The following DSTYK variants were observed in gnomAD, a reference collection of about 807,000 sequenced individuals.
DSTYK encodes the protein dual serine/threonine and tyrosine protein kinase, also known as RIP-homologous kinase.
In DSTYK, 34 loss-of-function variants were observed where a neutral mutation model predicts 98.7. The observed-to-expected ratio is 0.34, with a 90% CI of 0.26 to 0.46. The LOEUF (loss-of-function observed/expected upper bound fraction) is 0.46, where lower values mean the gene tolerates loss of function less well. Ranked by LOEUF, DSTYK falls within the 20% of genes least tolerant of loss-of-function variation. DSTYK has a pLI of 1.00. For missense variants in DSTYK, 962 were observed against 1,181.7 expected, an observed-to-expected ratio of 0.81 and a Z score of 2.73; for synonymous variants, 462 against 457.3, an observed-to-expected ratio of 1.01 and a Z score of -0.13.
At chr1:205,176,597 C>CTATTTTATTTAT (rs1658240670) in intron 2 of DSTYK, among the ~76,000 whole-genome samples, 1 of 145,928 alleles carries the variant, frequency 6.9e-6, no homozygotes, top group South Asian at 2.3e-4. Flanking sequence ...TAAAATGACA[C>CTATTTTATTTAT]TATTTTATTT....
At chr1:205,197,217 C>T (rs1658893847) in intron 1 of DSTYK, among the ~76,000 whole-genome samples, 1 of 151,462 alleles carries the variant, frequency 6.6e-6, no homozygotes, top group Admixed American at 6.6e-5. Flanking sequence ...TAGTACTGAA[C>T]CCATGTTAAT....
At chr1:205,203,299 A>AAATAC (rs1659094981) in intron 1 of DSTYK, among the ~76,000 whole-genome samples, 1 of 149,010 alleles carries the variant, frequency 6.7e-6, no homozygotes, top group African/African-American at 2.5e-5. Flanking sequence ...CCTGGCCAAA[A>AAATAC]CGGTGAAACC....
At chr1:205,190,016 C>T (rs1658663464) in intron 1 of DSTYK, among the ~76,000 whole-genome samples, 1 of 152,204 alleles carries the variant, frequency 6.6e-6, no homozygotes. Context: ...AGCAACAGGC[C>T]AGTCCTGAGT....
intron 12 of DSTYK, 79 bp from the exon 13 acceptor site, chr1:205,147,824 G>T: frequency 6.9e-7 from 1 of 1,455,792 alleles, no homozygotes; most frequent in Non-Finnish European, 9.5e-7. Context: ...CTCAAAGGCT[G>T]ACTTCCCAGT....
intron 2 of DSTYK, among the ~76,000 whole-genome samples, chr1:205,182,780 C>T (rs1407719578): frequency 3.3e-5 from 5 of 149,946 alleles, no homozygotes; most frequent in South Asian, 2.1e-4. Context: ...CATTCCAGCC[C>T]GGGTGACAAG....
Position 205,160,206 on chromosome 1 carries a change from G to A in DSTYK, c.2013C>T (p.Asn671=), listed in dbSNP as rs758196881. The A allele has an allele frequency of 1.2e-6, 2 of 1,614,164 alleles. No individual in the cohort carries two copies. Among genetic ancestry groups the A allele is most frequent in the Admixed American group, 1.7e-5 (1 of 60,026 alleles). The change falls in exon 8 of 13, where the codon AAC becomes AAT. Residue 671 remains asparagine, a synonymous_variant. Transcript: ENST00000367162. ...GQYGVVYLCD[N]WGGHFPCALK... is the part of the protein sequence containing the mutation. ...GGGCACAAGGGAAGTGTCCTCCCCA[G>A]TTGTCACACAGGTATACCACACCAT...
chr1:205,194,217 T>G (rs572378562), intron 1 of DSTYK, among the ~76,000 whole-genome samples: 3 of 152,364 alleles, frequency 2.0e-5, no homozygotes, highest in South Asian at 2.1e-4. Context: ...TATGCTTTTC[T>G]CTTGTTAAAC....
intron 1 of DSTYK, among the ~76,000 whole-genome samples, chr1:205,206,022 GTCT>G (rs1287100485): frequency 6.6e-6 from 1 of 152,148 alleles, no homozygotes; most frequent in Non-Finnish European, 1.5e-5. Context: ...CCAAGTTCAG[GTCT>G]TCTTAGACCT....
chr1:205,169,368 A>G lies in DSTYK; in HGVS notation c.1119T>C (p.Phe373=). The change falls in exon 3 of 13, where the codon TTT becomes TTC. Residue 373 remains phenylalanine, a synonymous_variant. Coordinates refer to ENST00000367162, the MANE Select transcript of DSTYK (RefSeq NM_015375.3). The surrounding 1 kb of genome is among the most constrained non-coding windows in gnomAD (Gnocchi z 4.0). ...NLVHCHCLDI[F]INQAFDMQRD... is the part of the protein sequence containing the mutation. The stretch of plus-strand genomic sequence containing the variant: ...GCTGCATGTCAAATGCCTGGTTAAT[A>G]AAGATGTCAAGGCAGTGGCAGTGCA... The G allele has an allele frequency of 6.2e-7, 1 of 1,614,190 alleles. No individual in the cohort carries two copies. Among genetic ancestry groups the G allele is most frequent in the Non-Finnish European group, 8.5e-7 (1 of 1,180,036 alleles).
chr1:205,209,193 G>A (rs1659292270), intron 1 of DSTYK, among the ~76,000 whole-genome samples: 1 of 152,166 alleles, frequency 6.6e-6, no homozygotes, highest in South Asian at 2.1e-4. Flanking sequence ...TCTCTCTGAG[G>A]TTAATCAATT....
intron 1 of DSTYK, among the ~76,000 whole-genome samples, chr1:205,195,073 T>G (rs1658827659): frequency 6.7e-6 from 1 of 149,196 alleles, no homozygotes; most frequent in Non-Finnish European, 1.5e-5. Context: ...GTGATCCGCC[T>G]GCCTCAGCCT....
chr1:205,208,917 C>T (rs1659283537), intron 1 of DSTYK, among the ~76,000 whole-genome samples: 1 of 152,084 alleles, frequency 6.6e-6, no homozygotes, highest in Non-Finnish European at 1.5e-5. Flanking sequence ...CATTTTTACC[C>T]CCAAACTCTC....
chr1:205,155,006 A>G (rs1300563329), intron 10 of DSTYK, among the ~76,000 whole-genome samples: 4 of 151,960 alleles, frequency 2.6e-5, no homozygotes, highest in Non-Finnish European at 5.9e-5. Flanking sequence ...TTATTTAGAG[A>G]CAGAGCCTCA....
At chr1:205,162,251 AG>A in intron 5 of DSTYK, 39 bp from the exon 6 acceptor site, 1 of 1,606,128 alleles carries the variant, frequency 6.2e-7, no homozygotes, top group Non-Finnish European at 8.5e-7. Flanking sequence ...AAGGAATGAG[AG>A]ACAAGAACCA....
chr1:205,194,418 A>G (rs552232131), intron 1 of DSTYK, among the ~76,000 whole-genome samples: 1 of 152,298 alleles, frequency 6.6e-6, no homozygotes, highest in South Asian at 2.1e-4. Flanking sequence ...TTGCTTTATT[A>G]TACTCCTGCA....
chr1:205,176,368 C>T (rs1216170632), intron 2 of DSTYK, among the ~76,000 whole-genome samples: 3 of 148,832 alleles, frequency 2.0e-5, no homozygotes, highest in South Asian at 2.2e-4. Context: ...TCCAGCTACT[C>T]GGGAGGCTGA....
At chr1:205,164,432 A>G (rs1287734164) in intron 3 of DSTYK, among the ~76,000 whole-genome samples, 33 of 151,940 alleles carry the variant, frequency 2.2e-4, no homozygotes, top group Non-Finnish European at 4.1e-4. Flanking sequence ...ATAAGAAGCA[A>G]TAAGTCTAGA....
At chr1:205,182,218 T>A (rs918604392) in intron 2 of DSTYK, among the ~76,000 whole-genome samples, 1 of 151,138 alleles carries the variant, frequency 6.6e-6, no homozygotes, top group Non-Finnish European at 1.5e-5. Context: ...CTGGTCAACA[T>A]GGTGAAACCC....
chr1:205,168,555 C>T (rs1163447398), intron 3 of DSTYK, among the ~76,000 whole-genome samples: 1 of 152,196 alleles, frequency 6.6e-6, no homozygotes, highest in African/African-American at 2.4e-5. Flanking sequence ...AACTTGCAAA[C>T]CATGTCATTT....
Sources: gnomAD v4.1 joint callset for allele counts (sites outside exome capture counted in the v4.1 genomes callset) on GRCh38, gnomAD v4.1.1 for gene constraint, Gnocchi (gnomAD v3.1) non-coding constraint, MANE v1.5 for transcripts, NCBI Gene and HGNC (gene_info 2026-07-23, HGNC 2026-07-21) for gene names.